The following CTNNA2 variants were observed in gnomAD, a reference collection of about 807,000 sequenced individuals.
The protein encoded by CTNNA2 is catenin alpha 2.
A neutral mutation model predicts 101.0 loss-of-function variants in CTNNA2; 42 were observed. That is an observed-to-expected ratio of 0.42 (90% CI 0.32 to 0.54). CTNNA2 has a LOEUF of 0.54. CTNNA2 is among the 20% of genes least tolerant of loss of function. The pLI is 0.14. For synonymous variants in CTNNA2, 450 were observed against 456.4 expected, an observed-to-expected ratio of 0.99 and a Z score of 0.18; for missense variants, 871 against 1,223.1, an observed-to-expected ratio of 0.71 and a Z score of 4.29.
intron 2 of CTNNA2, among the ~76,000 whole-genome samples, chr2:79,658,229 A>G (rs1017692465): frequency 3.3e-5 from 5 of 152,000 alleles, no homozygotes; most frequent in Admixed American, 6.6e-5. Flanking sequence ...GAGAGGCTCA[A>G]TTGTAAATCC....
At chr2:80,406,096 G>A (rs1374609536) in intron 8 of CTNNA2, among the ~76,000 whole-genome samples, 1 of 152,186 alleles carries the variant, frequency 6.6e-6, no homozygotes, top group Admixed American at 6.5e-5. Flanking sequence ...GGTGGCTCAC[G>A]CCTGTAATGC....
chr2:80,647,580 T>A lies in CTNNA2; in HGVS notation c.2575-5T>A, dbSNP rs768783672. The A allele has an allele frequency of 6.3e-6, 10 of 1,597,078 alleles. No individual in the cohort carries two copies. In the South Asian group the frequency reaches 1.0e-4, roughly 16 times the overall value. On this transcript the variant is annotated splice_region_variant and splice_polypyrimidine_tract_variant and intron_variant, in intron 18 of 18. Coordinates refer to ENST00000402739, the MANE Select transcript of CTNNA2 (RefSeq NM_001282597.3). ...CACATGTATCTCATTCTTTTCCTAC[T>A]CTAGCTGGACAGTGCCACATCGCTT...
intron 7 of CTNNA2, among the ~76,000 whole-genome samples, chr2:80,208,248 CATTT>C (rs779345566): frequency 5.9e-5 from 9 of 152,264 alleles, no homozygotes; most frequent in Non-Finnish European, 1.3e-4. Context: ...AATTTTCGTT[CATTT>C]GTTTGTTTGT....
intron 3 of CTNNA2, among the ~76,000 whole-genome samples, chr2:79,796,710 A>G (rs753397239): frequency 6.6e-6 from 1 of 152,234 alleles, no homozygotes; most frequent in African/African-American, 2.4e-5. Flanking sequence ...GTTGGGAAGA[A>G]AAATGCATGT....
At chr2:79,794,107 C>T (rs1048024533) in intron 3 of CTNNA2, among the ~76,000 whole-genome samples, 8 of 151,784 alleles carry the variant, frequency 5.3e-5, no homozygotes, top group African/African-American at 1.7e-4. Flanking sequence ...AACCAAATAA[C>T]ACCTGTTCCC....
At chr2:79,546,612 TG>T (rs1255111339) in intron 1 of CTNNA2, among the ~76,000 whole-genome samples, 1 of 152,146 alleles carries the variant, frequency 6.6e-6, no homozygotes, top group Non-Finnish European at 1.5e-5. Flanking sequence ...ATAAATGTGT[TG>T]TTCTTTGATT....
intron 2 of CTNNA2, among the ~76,000 whole-genome samples, chr2:79,743,399 AT>A (rs1186118023): frequency 6.6e-6 from 1 of 152,212 alleles, no homozygotes; most frequent in Admixed American, 6.5e-5. Flanking sequence ...AGGTGTCCAA[AT>A]TATGATACTT....
intron 15 of CTNNA2, among the ~76,000 whole-genome samples, chr2:80,597,612 T>G (rs1697098273): frequency 6.6e-6 from 1 of 152,118 alleles, no homozygotes; most frequent in South Asian, 2.1e-4. Context: ...TACAAGAAAC[T>G]TAAACACATT....
At chr2:79,277,180 G>A (rs1675234371) in intron 2 of CTNNA2, among the ~76,000 whole-genome samples, 1 of 152,116 alleles carries the variant, frequency 6.6e-6, no homozygotes, top group African/African-American at 2.4e-5. Flanking sequence ...CTTGCACCAG[G>A]ATTGCAACAG....
intron 7 of CTNNA2, among the ~76,000 whole-genome samples, chr2:80,215,631 T>C (rs1708214774): frequency 6.6e-6 from 1 of 152,128 alleles, no homozygotes; most frequent in Non-Finnish European, 1.5e-5. Flanking sequence ...AAGCTTCGTC[T>C]CAGAGGGGCA....
At chr2:80,422,500 A>G (rs2149411321) in intron 9 of CTNNA2, among the ~76,000 whole-genome samples, 1 of 151,350 alleles carries the variant, frequency 6.6e-6, no homozygotes, top group East Asian at 1.9e-4. Context: ...TATTGTGGTG[A>G]TAAATATTTT....
intron 7 of CTNNA2, among the ~76,000 whole-genome samples, chr2:80,345,246 T>C (rs975909885): frequency 2.0e-5 from 3 of 152,208 alleles, no homozygotes; most frequent in African/African-American, 7.2e-5. Context: ...TCCACTGCTC[T>C]TCTTCATTCA....
intron 3 of CTNNA2, among the ~76,000 whole-genome samples, chr2:79,824,691 C>T (rs1002902792): frequency 3.3e-5 from 5 of 152,024 alleles, no homozygotes; most frequent in African/African-American, 4.8e-5. Flanking sequence ...CAAGTGAGAT[C>T]GAACCCAAAG....
At chr2:80,548,165 T>C (rs965919915) in intron 11 of CTNNA2, among the ~76,000 whole-genome samples, 2 of 152,074 alleles carry the variant, frequency 1.3e-5, no homozygotes, top group East Asian at 1.9e-4. Flanking sequence ...CTAATCTTTA[T>C]AGTATATGGT....
At chr2:80,606,789 G>A (rs1304913049) in intron 16 of CTNNA2, among the ~76,000 whole-genome samples, 5 of 151,674 alleles carry the variant, frequency 3.3e-5, no homozygotes, top group Admixed American at 2.6e-4. Flanking sequence ...AACTTTTTAC[G>A]GACTGTTGCA....
intron 3 of CTNNA2, among the ~76,000 whole-genome samples, chr2:79,782,024 G>T (rs576551701): frequency 1.4e-4 from 22 of 152,186 alleles, no homozygotes; most frequent in Middle Eastern, 3.4e-3. Context: ...AATGGAAAAG[G>T]CTGAGATTTC....
At chr2:79,354,771 C>T (rs1677468695) in intron 3 of CTNNA2, among the ~76,000 whole-genome samples, 2 of 152,184 alleles carry the variant, frequency 1.3e-5, no homozygotes, top group Non-Finnish European at 2.9e-5. Flanking sequence ...CCACTCACTA[C>T]TTCCTTAGGA....
intron 18 of CTNNA2, among the ~76,000 whole-genome samples, chr2:80,622,325 G>A (rs2149809871): frequency 6.6e-6 from 1 of 152,010 alleles, no homozygotes; most frequent in Admixed American, 6.6e-5. Context: ...GAAAGAGGAA[G>A]ACTCTAGCTT....
chr2:80,330,345 A>C (rs1219872711), intron 7 of CTNNA2, among the ~76,000 whole-genome samples: 3 of 152,254 alleles, frequency 2.0e-5, no homozygotes, highest in African/African-American at 7.2e-5. Context: ...GGCAGAGGCC[A>C]TGCCCACAGA....
Sources: allele counts gnomAD v4.1 joint callset (sites outside exome capture counted in the v4.1 genomes callset), GRCh38; gene constraint gnomAD v4.1.1; transcripts MANE v1.5; gene names NCBI Gene and HGNC (gene_info 2026-07-23, HGNC 2026-07-21).